Variants in PDE4D observed in about 807,000 individuals in gnomAD.
PDE4D encodes phosphodiesterase 4D.
Under a neutral mutation model 87.4 loss-of-function variants are expected in PDE4D, and 24 were observed. The ratio of observed to expected loss-of-function variants is 0.27; its 90% CI spans 0.20 to 0.39. The LOEUF (loss-of-function observed/expected upper bound fraction) is 0.39, where lower values mean the gene tolerates loss of function less well. PDE4D is among the 10% of genes least tolerant of loss of function. The pLI is 1.00. For synonymous variants in PDE4D, 384 were observed against 383.2 expected (o/e 1.00, Z -0.02); for missense variants, 714 against 1,041.0 (o/e 0.69, Z 4.32).
At chr5:60,088,396 A>G (rs1196730777) in intron 2 of PDE4D, among the ~76,000 whole-genome samples, 1 of 152,074 alleles carries the variant, frequency 6.6e-6, no homozygotes, top group African/African-American at 2.4e-5. Flanking sequence ...TAATTAGGGT[A>G]AGTAAACAAT....
chr5:60,079,637 T>C (rs770984801), intron 2 of PDE4D, among the ~76,000 whole-genome samples: 20 of 152,234 alleles, frequency 1.3e-4, no homozygotes, highest in Admixed American at 5.9e-4. Flanking sequence ...TAAGAGATCT[T>C]TTCTCCACTG....
At chr5:59,843,055 A>G (rs1354868703) in intron 1 of PDE4D, among the ~76,000 whole-genome samples, 1 of 151,968 alleles carries the variant, frequency 6.6e-6, no homozygotes, top group Non-Finnish European at 1.5e-5. Flanking sequence ...CACTAATTGT[A>G]TAAAAAATAT....
chr5:59,775,041 A>G (rs1763944775), intron 1 of PDE4D, among the ~76,000 whole-genome samples: 1 of 152,132 alleles, frequency 6.6e-6, no homozygotes, highest in Non-Finnish European at 1.5e-5. Context: ...TTCAGAGAAA[A>G]GTTGCAATAC....
At chr5:59,380,999 C>A (rs1184840568) in intron 1 of PDE4D, among the ~76,000 whole-genome samples, 1 of 152,048 alleles carries the variant, frequency 6.6e-6, no homozygotes. Flanking sequence ...TCTTGTGGCC[C>A]CAAAAGGCTA....
intron 1 of PDE4D, among the ~76,000 whole-genome samples, chr5:60,467,059 A>T (rs1747412568): frequency 6.6e-6 from 1 of 151,102 alleles, no homozygotes; most frequent in Non-Finnish European, 1.5e-5. Flanking sequence ...TTTATTTTTG[A>T]GATGGATTTT....
intron 2 of PDE4D, among the ~76,000 whole-genome samples, chr5:59,199,606 C>T (rs890157883): frequency 1.3e-5 from 2 of 152,108 alleles, no homozygotes; most frequent in South Asian, 2.1e-4. Context: ...TATCATCCAT[C>T]TATCAATTCA....
chr5:59,646,133 CT>C (rs983347255), intron 1 of PDE4D, among the ~76,000 whole-genome samples: 2 of 152,098 alleles, frequency 1.3e-5, no homozygotes, highest in Non-Finnish European at 2.9e-5. Flanking sequence ...ATTTTATAAT[CT>C]GGTGTGATTT....
intron 1 of PDE4D, among the ~76,000 whole-genome samples, chr5:59,534,140 T>G (rs1385327538): frequency 2.0e-5 from 3 of 152,204 alleles, no homozygotes; most frequent in African/African-American, 7.2e-5. Context: ...GAAATCTAGC[T>G]TATTTTCTTG....
Position 59,185,190 on chromosome 5 carries a change from T to G in PDE4D, c.757A>C (p.Lys253Gln), listed in dbSNP as rs774291005. 1.2e-6 allele frequency: 2 copies of G among 1,611,410 alleles called. No homozygotes were observed. The highest frequency in any genetic ancestry group is 1.7e-6 in the Non-Finnish European group (2 of 1,178,020). ...LTNLQDRAPS[K>Q]RSPMCNQPSI... is the part of the protein sequence containing the mutation. ...AGGGGGGAAAAAAGGATATCTTACT[T>G]GCTAGGTGCTCGATCTTGCAAATTA... The change falls in exon 4 of 15, where the codon AAA becomes CAA. Residue 253 changes from lysine to glutamine, a missense_variant and splice_region_variant. Physicochemically the swap from Lys to Gln is moderately conservative, Grantham distance 53. This residue lies in a region of PDE4D where 90 missense variants were observed against 177.6 expected (regional missense o/e 0.51). Transcript: ENST00000340635.
intron 1 of PDE4D, among the ~76,000 whole-genome samples, chr5:60,273,608 G>A (rs748448947): frequency 1.6e-4 from 25 of 152,204 alleles, no homozygotes; most frequent in Non-Finnish European, 3.2e-4. Flanking sequence ...TTAAGCAAGA[G>A]ATGGTGAAGA....
intron 1 of PDE4D, among the ~76,000 whole-genome samples, chr5:59,777,322 A>G (rs1764176850): frequency 6.6e-6 from 1 of 152,178 alleles, no homozygotes. Context: ...CTTAGCAAAG[A>G]CTATGAGAGG....
At position 59,891,796 on chromosome 5, in the gene PDE4D, C is replaced by CACACACAT. The variant is rs1356632638; in HGVS notation, c.455+1371_455+1372insATGTGTGT. 4.0e-5 allele frequency among the ~76,000 whole-genome samples: 6 copies of CACACACAT among 151,868 alleles called. No individual in the cohort carries two copies. In the East Asian group the frequency reaches 1.2e-3, roughly 29 times the overall value. ...CAACAGAGAGACATGCTCACACACA[C>CACACACAT]ACACACACACAAAACTCAAACACAC... is the stretch of plus-strand genomic sequence containing the variant. On this transcript the variant is annotated intron_variant, in intron 1 of 14. Transcript: ENST00000340635.
At chr5:59,068,361 G>GT in intron 5 of PDE4D, among the ~76,000 whole-genome samples, 1 of 152,044 alleles carries the variant, frequency 6.6e-6, no homozygotes. Flanking sequence ...TAGATCTGAG[G>GT]TTTTTTATTC....
intron 2 of PDE4D, among the ~76,000 whole-genome samples, chr5:59,202,032 C>CTTTTTTT (rs1491303567): frequency 2.2e-4 from 7 of 31,468 alleles, no homozygotes; most frequent in African/African-American, 6.8e-4. Context: ...GTGTTTTGAT[C>CTTTTTTT]ATTTTTTTTT....
At chr5:60,495,425 G>C (rs1749760642) in intron 1 of PDE4D, among the ~76,000 whole-genome samples, 1 of 152,154 alleles carries the variant, frequency 6.6e-6, no homozygotes, top group Non-Finnish European at 1.5e-5. Context: ...TGGATCTAGA[G>C]TAGAATCTAG....
intron 1 of PDE4D, among the ~76,000 whole-genome samples, chr5:60,410,508 G>A (rs919019070): frequency 3.3e-5 from 5 of 152,226 alleles, no homozygotes; most frequent in African/African-American, 1.2e-4. Context: ...CTAATCAGCA[G>A]TGGTTTGCTC....
chr5:60,241,271 CTTT>C (rs371953042), intron 1 of PDE4D, among the ~76,000 whole-genome samples: 5 of 96,974 alleles, frequency 5.2e-5, no homozygotes, highest in Non-Finnish European at 7.9e-5. Flanking sequence ...CTCTCTCTCT[CTTT>C]TTTTTTTTTT....
intron 1 of PDE4D, among the ~76,000 whole-genome samples, chr5:59,249,607 A>G (rs916103370): frequency 3.9e-5 from 6 of 152,188 alleles, no homozygotes; most frequent in Non-Finnish European, 8.8e-5. Context: ...AACATTTTGT[A>G]TCCATATAAG....
chr5:59,055,067 T>G (rs1762141507), intron 5 of PDE4D, among the ~76,000 whole-genome samples: 1 of 152,208 alleles, frequency 6.6e-6, no homozygotes, highest in Non-Finnish European at 1.5e-5. Context: ...CAGCGGCCAC[T>G]CACTGAAATG....
Sources: allele counts gnomAD v4.1 joint callset (sites outside exome capture counted in the v4.1 genomes callset), GRCh38; gene constraint gnomAD v4.1.1; regional missense constraint gnomAD v4.1.1; transcripts MANE v1.5; gene names NCBI Gene and HGNC (gene_info 2026-07-23, HGNC 2026-07-21).